Variants in DLGAP1 observed in about 807,000 individuals in gnomAD.
DLGAP1 encodes disks large-associated protein 1.
DLGAP1 carries 11 observed loss-of-function variants against 90.8 expected under a neutral mutation model. The observed-to-expected ratio is 0.12, with a 90% confidence interval of 0.08 to 0.20. The LOEUF (loss-of-function observed/expected upper bound fraction) is 0.20, where lower values mean the gene tolerates loss of function less well. DLGAP1 is among the 10% of genes least tolerant of loss of function. The pLI, the probability that DLGAP1 is intolerant of heterozygous loss-of-function variation, is 1.00. For synonymous variants in DLGAP1, 558 were observed against 540.7 expected (o/e 1.03, Z -0.44); for missense variants, 1,050 against 1,333.8 (o/e 0.79, Z 3.31).
At chr18:4,369,815 T>TAAAA (rs11387946) in intron 1 of DLGAP1, among the ~76,000 whole-genome samples, 21 of 74,602 alleles carry the variant, frequency 2.8e-4, no homozygotes, top group Admixed American at 6.6e-4. Flanking sequence ...AAAGTCTTAG[T>TAAAA]AAAAAAAAAA....
intron 3 of DLGAP1, among the ~76,000 whole-genome samples, chr18:3,916,264 G>A (rs375087567): frequency 1.7e-4 from 26 of 152,208 alleles, no homozygotes; most frequent in African/African-American, 6.3e-4. Flanking sequence ...GTGTCTTCTC[G>A]GAGAACAGAG....
chr18:4,329,470 T>C (rs1157795347), intron 1 of DLGAP1, among the ~76,000 whole-genome samples: 2 of 151,982 alleles, frequency 1.3e-5, no homozygotes, highest in Non-Finnish European at 2.9e-5. Flanking sequence ...GTTTAATTAC[T>C]CTGTTTTTTG....
At chr18:4,414,890 A>G (rs1567903996) in intron 1 of DLGAP1, among the ~76,000 whole-genome samples, 1 of 152,140 alleles carries the variant, frequency 6.6e-6, no homozygotes, top group Non-Finnish European at 1.5e-5. Flanking sequence ...AGCAGTGTCA[A>G]TTTGCATAAG....
chr18:3,762,395 GAC>G (rs1790490737), intron 5 of DLGAP1, among the ~76,000 whole-genome samples: 1 of 152,330 alleles, frequency 6.6e-6, no homozygotes, highest in Admixed American at 6.5e-5. Flanking sequence ...TGTAAGTAGT[GAC>G]CTACATGCTG....
At chr18:4,204,073 T>C (rs976203621) in intron 1 of DLGAP1, among the ~76,000 whole-genome samples, 1 of 152,228 alleles carries the variant, frequency 6.6e-6, no homozygotes, top group Non-Finnish European at 1.5e-5. Flanking sequence ...AAACTCTTCA[T>C]TGTGAAAATA....
At chr18:4,244,923 T>G (rs554066555) in intron 1 of DLGAP1, among the ~76,000 whole-genome samples, 3 of 152,200 alleles carry the variant, frequency 2.0e-5, no homozygotes, top group Non-Finnish European at 4.4e-5. Flanking sequence ...ATGCAGCAAG[T>G]GTCTATTAGT....
At chr18:4,311,612 A>C (rs1489912541) in intron 1 of DLGAP1, among the ~76,000 whole-genome samples, 1 of 152,132 alleles carries the variant, frequency 6.6e-6, no homozygotes, top group South Asian at 2.1e-4. Context: ...CCATTAGTGG[A>C]TCATTGAGCA....
At chr18:4,045,465 A>AAAAAAAAAAAAAAAAAAAAG (rs2075038289) in intron 2 of DLGAP1, among the ~76,000 whole-genome samples, 1 of 130,192 alleles carries the variant, frequency 7.7e-6, no homozygotes, top group African/African-American at 2.9e-5. Flanking sequence ...AAAAAAAAAA[A>AAAAAAAAAAAAAAAAAAAAG]GCTTGCCCCT....
At chr18:3,605,819 C>T (rs550526186) in intron 7 of DLGAP1, among the ~76,000 whole-genome samples, 2 of 58,288 alleles carry the variant, frequency 3.4e-5, no homozygotes, top group Admixed American at 2.6e-4. Context: ...TTTTTAGCGG[C>T]AGGAGATTTT....
intron 7 of DLGAP1, among the ~76,000 whole-genome samples, chr18:3,680,818 A>G (rs1279002629): frequency 2.0e-5 from 3 of 151,750 alleles, no homozygotes; most frequent in African/African-American, 7.3e-5. Flanking sequence ...GAGGAAAAAT[A>G]CTGTTTGACT....
chr18:4,298,958 G>A (rs1338905457), intron 1 of DLGAP1, among the ~76,000 whole-genome samples: 3 of 151,804 alleles, frequency 2.0e-5, no homozygotes, highest in Non-Finnish European at 4.4e-5. Flanking sequence ...GCAGGCGCCT[G>A]TAGTCCCAGC....
chr18:3,602,443 A>T (rs1423174053), intron 7 of DLGAP1, among the ~76,000 whole-genome samples: 1 of 151,720 alleles, frequency 6.6e-6, no homozygotes, highest in African/African-American at 2.4e-5. Context: ...AAAATACAAA[A>T]AATTAGCCGG....
chr18:4,131,061 TAC>T (rs759713728), intron 2 of DLGAP1, among the ~76,000 whole-genome samples: 48 of 152,288 alleles, frequency 3.2e-4, no homozygotes, highest in Non-Finnish European at 4.4e-4. Flanking sequence ...CAAACAGCAT[TAC>T]AGTGTCTTTT....
chr18:3,734,838 A>C (rs1182835767), intron 6 of DLGAP1, among the ~76,000 whole-genome samples: 1 of 152,174 alleles, frequency 6.6e-6, no homozygotes, highest in Non-Finnish European at 1.5e-5. Flanking sequence ...ATGTGTGTCA[A>C]TATTCCTCCC....
chr18:3,900,609 C>A (rs1481015805), intron 3 of DLGAP1, among the ~76,000 whole-genome samples: 1 of 152,078 alleles, frequency 6.6e-6, no homozygotes, highest in Admixed American at 6.5e-5. Flanking sequence ...CTTGTGGGCT[C>A]ATTTTTGTAT....
At chr18:3,551,334 C>A (rs1038601582) in intron 9 of DLGAP1, among the ~76,000 whole-genome samples, 8 of 152,120 alleles carry the variant, frequency 5.3e-5, no homozygotes, top group African/African-American at 1.9e-4. Flanking sequence ...ACTGCAACCT[C>A]CACCTCCCAG....
At chr18:4,212,630 C>A (rs1464608338) in intron 1 of DLGAP1, among the ~76,000 whole-genome samples, 458 of 121,598 alleles carry the variant, frequency 3.8e-3, no homozygotes, top group East Asian at 5.7e-3. Context: ...GACTCCATCT[C>A]AAAAAAAAAA....
At chr18:3,875,437 G>A (rs953368803) in intron 4 of DLGAP1, among the ~76,000 whole-genome samples, 4 of 152,148 alleles carry the variant, frequency 2.6e-5, no homozygotes, top group Non-Finnish European at 5.9e-5. Flanking sequence ...GACATACACA[G>A]TTTCTGGCAC....
At chr18:3,713,987 G>A (rs951141629) in intron 7 of DLGAP1, among the ~76,000 whole-genome samples, 8 of 152,168 alleles carry the variant, frequency 5.3e-5, no homozygotes, top group African/African-American at 1.2e-4. Flanking sequence ...AGCATCGTCC[G>A]AGGATGTGCC....
Sources: allele counts gnomAD v4.1 joint callset (sites outside exome capture counted in the v4.1 genomes callset), GRCh38; gene constraint gnomAD v4.1.1; transcripts MANE v1.5; gene names NCBI Gene and HGNC (gene_info 2026-07-23, HGNC 2026-07-21).